The following PARD3 variants were observed in gnomAD, a reference collection of about 807,000 sequenced individuals.
PARD3 encodes partitioning defective 3 homolog.
PARD3 carries 75 observed loss-of-function variants against 155.4 expected under a neutral mutation model. That is an observed-to-expected ratio of 0.48 (90% CI 0.40 to 0.58). The LOEUF (loss-of-function observed/expected upper bound fraction) is 0.58, where lower values mean the gene tolerates loss of function less well. PARD3 is among the 20% of genes least tolerant of loss of function. The pLI, the probability that PARD3 is intolerant of heterozygous loss-of-function variation, is 0.00. For synonymous variants in PARD3, 576 were observed against 610.5 expected (o/e 0.94, Z 0.83); for missense variants, 1,642 against 1,721.7 (o/e 0.95, Z 0.82).
At chr10:34,273,595 G>A (rs1010105149) in intron 21 of PARD3, among the ~76,000 whole-genome samples, 3 of 152,118 alleles carry the variant, frequency 2.0e-5, no homozygotes, top group Non-Finnish European at 2.9e-5. Flanking sequence ...ATACCAATGC[G>A]AATTTCCTGG....
At position 34,431,170 on chromosome 10, in the gene PARD3, C is replaced by A. The variant is rs571205442; in HGVS notation, c.714+19147G>T. Among the ~76,000 whole-genome samples, 29 of 152,280 alleles carry A rather than the reference C, an allele frequency of 1.9e-4. No individual in the cohort carries two copies. In the South Asian group the frequency reaches 5.4e-3, roughly 28 times the overall value. On this transcript the variant is annotated intron_variant, in intron 5 of 24. Transcript: ENST00000374788. Reference sequence around the variant, plus strand: ...GATGCTGAGATCCATCTTGGCTCTGCACATGAATAACACCCCTGATGCTAC... The same window carrying A: ...GATGCTGAGATCCATCTTGGCTCTGAACATGAATAACACCCCTGATGCTAC...
At chr10:34,149,336 T>C (rs1948672129) in intron 22 of PARD3, among the ~76,000 whole-genome samples, 1 of 152,108 alleles carries the variant, frequency 6.6e-6, no homozygotes, top group African/African-American at 2.4e-5. Flanking sequence ...AAATTCTCTA[T>C]GAACATGTTA....
chr10:34,182,575 A>G (rs1950313244), intron 22 of PARD3, among the ~76,000 whole-genome samples: 1 of 152,160 alleles, frequency 6.6e-6, no homozygotes, highest in Non-Finnish European at 1.5e-5. Context: ...CAATTTCGGA[A>G]AACACCTGGT....
chr10:34,579,572 G>GTGTGTGTGTGTGTATGTGTA (rs758510651), intron 2 of PARD3, among the ~76,000 whole-genome samples: 2 of 149,548 alleles, frequency 1.3e-5, no homozygotes, highest in African/African-American at 4.9e-5. Flanking sequence ...GTGTGTGTGT[G>GTGTGTGTGTGTGTATGTGTA]TGTGTGTGTG....
At chr10:34,620,376 T>G (rs1424884359) in intron 2 of PARD3, among the ~76,000 whole-genome samples, 1 of 152,204 alleles carries the variant, frequency 6.6e-6, no homozygotes, top group Non-Finnish European at 1.5e-5. Context: ...AGGAAGTGTC[T>G]CTCTTCCTCA....
At chr10:34,150,289 T>C (rs1431572998) in intron 22 of PARD3, among the ~76,000 whole-genome samples, 1 of 152,198 alleles carries the variant, frequency 6.6e-6, no homozygotes, top group Non-Finnish European at 1.5e-5. Flanking sequence ...TAGAAACCCA[T>C]GCCTGCAGCT....
At chr10:34,763,927 C>T (rs1837771925) in intron 1 of PARD3, among the ~76,000 whole-genome samples, 1 of 152,200 alleles carries the variant, frequency 6.6e-6, no homozygotes, top group Non-Finnish European at 1.5e-5. Flanking sequence ...CAGCCATATA[C>T]TAATAAGATC....
chr10:34,189,419 T>C (rs762629218), intron 22 of PARD3, among the ~76,000 whole-genome samples: 3 of 152,150 alleles, frequency 2.0e-5, no homozygotes, highest in African/African-American at 4.8e-5. Flanking sequence ...GCAAACGCCA[T>C]AGGGGAGGGG....
chr10:34,312,448 T>G, intron 20 of PARD3: 1 of 1,540,158 alleles, frequency 6.5e-7, no homozygotes, highest in Non-Finnish European at 9.0e-7. Flanking sequence ...GAATCTGTGT[T>G]TGTTCTTTTC....
At chr10:34,399,459 C>T in intron 6 of PARD3, 46 bp from the exon 7 acceptor site, 1 of 1,245,338 alleles carries the variant, frequency 8.0e-7, no homozygotes, top group Non-Finnish European at 1.2e-6. Flanking sequence ...GTACTGTAAA[C>T]AAACCAAAAC....
chr10:34,426,679 A>C (rs1023673446), intron 5 of PARD3: 1 of 152,150 alleles, frequency 6.6e-6, no homozygotes, highest in Non-Finnish European at 1.5e-5. Context: ...TTTTCTTCAC[A>C]AGTACCTCAG....
chr10:34,541,727 T>C (rs1037729850), intron 2 of PARD3, among the ~76,000 whole-genome samples: 4 of 152,224 alleles, frequency 2.6e-5, no homozygotes, highest in African/African-American at 7.2e-5. Flanking sequence ...TTAACAACTT[T>C]CATTAAAATT....
At chr10:34,209,442 A>G (rs1951635176) in intron 22 of PARD3, among the ~76,000 whole-genome samples, 1 of 152,236 alleles carries the variant, frequency 6.6e-6, no homozygotes, top group Non-Finnish European at 1.5e-5. Context: ...AATTGCTTCA[A>G]GAAGCCAAGT....
intron 22 of PARD3, among the ~76,000 whole-genome samples, chr10:34,256,807 A>C (rs1046234627): frequency 6.6e-5 from 10 of 152,160 alleles, no homozygotes; most frequent in African/African-American, 2.4e-4. Context: ...TCACTCTAAC[A>C]TTGGAGTCCA....
chr10:34,444,636 T>G (rs556262111), intron 5 of PARD3, among the ~76,000 whole-genome samples: 7 of 152,338 alleles, frequency 4.6e-5, no homozygotes, highest in African/African-American at 1.4e-4. Flanking sequence ...CTACTCTTTT[T>G]GGAAATCATA....
In PARD3 at chr10:34,542,234, T is replaced by TGTGTGTGTGTAC. The variant is rs143582528; in HGVS notation, c.223-25076_223-25075insGTACACACACAC. On this transcript the variant is annotated intron_variant, in intron 2 of 24. Coordinates refer to ENST00000374788, the MANE Select transcript of PARD3 (RefSeq NM_001184785.2). ...GTGTGTGTGTGTGTGTGTGTGTGTG[T>TGTGTGTGTGTAC]GTGTGCACACACACACACGCTTGCA... Among the ~76,000 whole-genome samples, 14 of 146,300 alleles carry TGTGTGTGTGTAC rather than the reference T, an allele frequency of 9.6e-5. 1 individual carries two copies. The highest frequency in any genetic ancestry group is 2.2e-4 in the South Asian group (1 of 4,526).
intron 4 of PARD3, among the ~76,000 whole-genome samples, chr10:34,463,326 A>T (rs1232201231): frequency 1.0e-5 from 1 of 100,390 alleles, no homozygotes; most frequent in Non-Finnish European, 1.9e-5. Context: ...GGGAAAGGGA[A>T]AGGAATGGGA....
chr10:34,795,685 G>A (rs569826200), intron 1 of PARD3, among the ~76,000 whole-genome samples: 46 of 151,804 alleles, frequency 3.0e-4, no homozygotes, highest in Admixed American at 2.1e-3. Context: ...ACCTGAGGTA[G>A]GGAGTTCAAG....
At chr10:34,700,945 AG>A in intron 1 of PARD3, among the ~76,000 whole-genome samples, 1 of 152,214 alleles carries the variant, frequency 6.6e-6, no homozygotes, top group East Asian at 1.9e-4. Context: ...ACTGCACTCC[AG>A]CCTGAGCAAC....
Sources: gnomAD v4.1 joint callset for allele counts (sites outside exome capture counted in the v4.1 genomes callset) on GRCh38, gnomAD v4.1.1 for gene constraint, MANE v1.5 for transcripts, NCBI Gene and HGNC (gene_info 2026-07-23, HGNC 2026-07-21) for gene names.